Variants in CCDC85C observed in about 807,000 individuals in gnomAD.
CCDC85C encodes the protein coiled-coil domain containing 85C.
In CCDC85C, 18 loss-of-function variants were observed where a neutral mutation model predicts 38.3. That is an observed-to-expected ratio of 0.47 (90% confidence interval 0.33 to 0.70). The LOEUF (loss-of-function observed/expected upper bound fraction) is 0.70, where lower values mean the gene tolerates loss of function less well. CCDC85C is among the 30% of genes least tolerant of loss of function. CCDC85C has a pLI of 0.03. For missense variants in CCDC85C, 566 were observed against 621.2 expected (o/e 0.91, Z 0.94); for synonymous variants, 264 against 293.8 (o/e 0.90, Z 1.04).
In CCDC85C at chr14:99,603,148, C is replaced by T. The variant is rs1208006116; in HGVS notation, c.793+19G>A. On this transcript the variant is annotated intron_variant, in intron 1 of 5. Transcript: ENST00000380243. The surrounding 1 kb of genome is among the most constrained non-coding windows in gnomAD (Gnocchi z 7.5). ...TGCAGCCAGGGAGACCCGCGCTGCCCGGCCCGTGTAGTCCTTACCGTGCAG... is the reference window on the plus strand; with the variant it reads ...TGCAGCCAGGGAGACCCGCGCTGCCTGGCCCGTGTAGTCCTTACCGTGCAG... The T allele has an allele frequency of 3.8e-6, 5 of 1,313,244 alleles. No individual in the cohort carries two copies. The highest frequency in any genetic ancestry group is 4.8e-6 in the Non-Finnish European group (5 of 1,031,374). The allele number at this position is 1,313,244 out of a possible 1,614,324, so 81.3% of individuals were successfully genotyped here.
chr14:99,565,932 C>T (rs778962055), intron 1 of CCDC85C, among the ~76,000 whole-genome samples: 7 of 152,206 alleles, frequency 4.6e-5, no homozygotes, highest in Non-Finnish European at 8.8e-5. Flanking sequence ...GGCTTTCAGC[C>T]GCAGGGCTGC....
rs553952489 is a variant in CCDC85C, at chr14:99,508,292, C to T, written c.*6954G>A. The stretch of plus-strand genomic sequence containing the variant: ...ATGAAGCATTTATGGAGCACCTCCT[C>T]GCCAAGTGCAGTTCCCCTGGTCCGA... On this transcript the variant is annotated 3_prime_UTR_variant, in exon 6 of 6. Coordinates refer to ENST00000380243, the MANE Select transcript of CCDC85C (RefSeq NM_001144995.2). 2 of 152,368 alleles carry T rather than the reference C, an allele frequency of 1.3e-5. No homozygotes were observed. The highest frequency in any genetic ancestry group is 4.8e-5 in the African/African-American group (2 of 41,588). The allele number at this position is 152,368 out of a possible 1,614,324, so 9.4% of individuals were successfully genotyped here.
At position 99,503,863 on chromosome 14, in the gene CCDC85C, G is replaced by T; in HGVS notation, c.*11383C>A. ...AGCTATCAGTACAGAAAACATTACT[G>T]GCAATAAAAATGTACTCAGTAACAT... is the stretch of plus-strand genomic sequence containing the variant. On this transcript the variant is annotated 3_prime_UTR_variant, in exon 6 of 6. Coordinates refer to ENST00000380243, the MANE Select transcript of CCDC85C (RefSeq NM_001144995.2). The T allele has an allele frequency of 1.8e-6, 1 of 553,210 alleles. No homozygotes were observed. The highest frequency in any genetic ancestry group is 3.2e-6 in the Non-Finnish European group (1 of 311,886). The allele number at this position is 553,210 out of a possible 1,614,324, so 34.3% of individuals were successfully genotyped here.
intron 1 of CCDC85C, among the ~76,000 whole-genome samples, chr14:99,547,888 A>G (rs1423887327): frequency 2.6e-5 from 4 of 151,696 alleles, no homozygotes; most frequent in Non-Finnish European, 5.9e-5. Context: ...ACATATATAC[A>G]CACACACACA....
intron 1 of CCDC85C, among the ~76,000 whole-genome samples, chr14:99,551,045 G>T (rs1387330573): frequency 6.6e-6 from 1 of 152,256 alleles, no homozygotes; most frequent in African/African-American, 2.4e-5. Flanking sequence ...CCCATACAGC[G>T]CATAGCCTCT....
Position 99,535,243 on chromosome 14 carries a change from G to A in CCDC85C, c.867+772C>T, listed in dbSNP as rs1030020999. Reference sequence around the variant, plus strand: ...GTATCCCAGGCTGACCGCTCACGGCGCAGTGGGAAAAGCAGGGAGAGGGAG... The same window carrying A: ...GTATCCCAGGCTGACCGCTCACGGCACAGTGGGAAAAGCAGGGAGAGGGAG... On this transcript the variant is annotated intron_variant, in intron 2 of 5. Transcript: ENST00000380243. This position sits in a 1 kb window ranked among gnomAD's most constrained non-coding sequence, Gnocchi z 5.5. Among the ~76,000 whole-genome samples, 3 of 152,226 alleles carry A rather than the reference G, an allele frequency of 2.0e-5. No individual in the cohort carries two copies. Among genetic ancestry groups the A allele is most frequent in the South Asian group, 4.1e-4 (2 of 4,834 alleles).
chr14:99,568,117 T>C (rs72706334), intron 1 of CCDC85C, among the ~76,000 whole-genome samples: 19,855 of 152,002 alleles, frequency 0.13, 1,688 homozygotes, highest in Non-Finnish European at 0.18. Flanking sequence ...GGGCTCAGGC[T>C]GGTACAACTG....
chr14:99,532,315 T>TGGG (rs960005383), intron 2 of CCDC85C, among the ~76,000 whole-genome samples: 20 of 152,182 alleles, frequency 1.3e-4, no homozygotes, highest in Admixed American at 9.2e-4. Context: ...TCCCTGAGAA[T>TGGG]GGGGCCACCA....
Position 99,510,248 on chromosome 14 carries a change from T to TCCGGCCCCCC in CCDC85C, c.*4997_*4998insGGGGGGCCGG. ...ACCTCCCCAAAGTCCAGATTCCCCC[T>TCCGGCCCCCC]CCGGCCCACCCGGCCCCTGTGCACC... is the stretch of plus-strand genomic sequence containing the variant. On this transcript the variant is annotated 3_prime_UTR_variant, in exon 6 of 6. Coordinates refer to ENST00000380243, the MANE Select transcript of CCDC85C (RefSeq NM_001144995.2). 6.5e-7 allele frequency: 1 copy of TCCGGCCCCCC among 1,546,688 alleles called. No homozygotes were observed.
At chr14:99,539,882 C>G (rs1158852863) in intron 1 of CCDC85C, among the ~76,000 whole-genome samples, 1 of 152,070 alleles carries the variant, frequency 6.6e-6, no homozygotes, top group Non-Finnish European at 1.5e-5. Context: ...CGCGGTGGCT[C>G]ATGCCTGTAA....
intron 3 of CCDC85C, among the ~76,000 whole-genome samples, chr14:99,518,191 T>A (rs35220279): frequency 0.015 from 2,352 of 152,216 alleles, 43 homozygotes; most frequent in Middle Eastern, 0.051. Context: ...GGCTGGGTTC[T>A]GCGACCCTCA....
intron 1 of CCDC85C, among the ~76,000 whole-genome samples, chr14:99,597,860 G>A (rs2055159437): frequency 6.6e-6 from 1 of 152,222 alleles, no homozygotes; most frequent in African/African-American, 2.4e-5. Flanking sequence ...ACCCAGGGAA[G>A]GCAAATCCGC....
chr14:99,579,874 A>G, intron 1 of CCDC85C: 1 of 323,468 alleles, frequency 3.1e-6, no homozygotes, highest in South Asian at 2.3e-5. Flanking sequence ...GTTGGTCGTT[A>G]GGCTGTCTAC....
Position 99,502,009 on chromosome 14 carries a change from A to C in CCDC85C, c.*13237T>G. 2 of 512,356 alleles carry C rather than the reference A, an allele frequency of 3.9e-6. No individual in the cohort carries two copies. Among genetic ancestry groups the C allele is most frequent in the Non-Finnish European group, 6.4e-6 (2 of 314,150 alleles). The allele number at this position is 512,356 out of a possible 1,614,324, so 31.7% of individuals were successfully genotyped here. ...TCTTCTGATTCTTTAAGGAATAGAGAAATTACTAACTATGGTTAAAGTAAC... is the reference window on the plus strand; with the variant it reads ...TCTTCTGATTCTTTAAGGAATAGAGCAATTACTAACTATGGTTAAAGTAAC... On this transcript the variant is annotated 3_prime_UTR_variant, in exon 6 of 6. Transcript: ENST00000380243.
At chr14:99,523,674 G>T (rs1173389451) in intron 2 of CCDC85C, among the ~76,000 whole-genome samples, 1 of 152,204 alleles carries the variant, frequency 6.6e-6, no homozygotes, top group Non-Finnish European at 1.5e-5. Flanking sequence ...GTGGTCCAAG[G>T]TCAGGGAGGG....
chr14:99,578,308 A>AGT (rs144925029), intron 1 of CCDC85C, among the ~76,000 whole-genome samples: 10,924 of 104,520 alleles, frequency 0.1, 688 homozygotes, highest in Middle Eastern at 0.21. Flanking sequence ...ATCCCCCATC[A>AGT]GTGTGTGTGT....
chr14:99,572,075 C>T lies in CCDC85C; in HGVS notation c.793+31092G>A, dbSNP rs1898358845. Among the ~76,000 whole-genome samples the T allele has an allele frequency of 6.6e-6, 1 of 152,184 alleles. No homozygotes were observed. The highest frequency in any genetic ancestry group is 2.1e-4 in the South Asian group (1 of 4,832). On this transcript the variant is annotated intron_variant, in intron 1 of 5. Coordinates refer to ENST00000380243, the MANE Select transcript of CCDC85C (RefSeq NM_001144995.2). This position sits in a 1 kb window ranked among gnomAD's most constrained non-coding sequence, Gnocchi z 4.4. ...AGCGTGATCCCCAGAGCCCCCAACC[C>T]TAACCCAGCACCCGCAAGTCTCTGG... is the stretch of plus-strand genomic sequence containing the variant.
chr14:99,539,419 G>A (rs142793149), intron 1 of CCDC85C, among the ~76,000 whole-genome samples: 5,182 of 141,788 alleles, frequency 0.037, 222 homozygotes, highest in African/African-American at 0.1. Flanking sequence ...GCAGTGAGCC[G>A]AGATCACACA....
rs1595096778 is a variant in CCDC85C at position 99,576,896 on chromosome 14, C to T, written c.793+26271G>A. On this transcript the variant is annotated intron_variant, in intron 1 of 5. Transcript: ENST00000380243. This position sits in a 1 kb window ranked among gnomAD's most constrained non-coding sequence, Gnocchi z 4.8. ...CACTCTCTCCGGGTCACCCCGGATG[C>T]CTTCAGCACAGCTCCTACCCACACC... Among the ~76,000 whole-genome samples, 1 of 151,914 alleles carries T rather than the reference C, an allele frequency of 6.6e-6. No homozygotes were observed. The highest frequency in any genetic ancestry group is 6.5e-5 in the Admixed American group (1 of 15,268).
Sources: allele counts gnomAD v4.1 joint callset (sites outside exome capture counted in the v4.1 genomes callset), GRCh38; gene constraint gnomAD v4.1.1; non-coding constraint Gnocchi (gnomAD v3.1); transcripts MANE v1.5; gene names NCBI Gene and HGNC (gene_info 2026-07-23, HGNC 2026-07-21).